NCKAP1L: variants seen among roughly 807,000 people sequenced by gnomAD.
NCKAP1L encodes the protein NCK associated protein 1 like, also known as nck-associated protein 1-like.
Under a neutral mutation model 139.2 loss-of-function variants are expected in NCKAP1L, and 53 were observed. The observed-to-expected ratio is 0.38, with a 90% CI of 0.31 to 0.48. The LOEUF (loss-of-function observed/expected upper bound fraction) is 0.48, where lower values mean the gene tolerates loss of function less well. NCKAP1L is among the 20% of genes least tolerant of loss of function. The pLI is 0.98. For synonymous variants in NCKAP1L, 468 were observed against 499.7 expected (o/e 0.94, Z 0.85); for missense variants, 1,151 against 1,381.9 (o/e 0.83, Z 2.65).
chr12:54,509,056 T>G (rs1161853391), intron 5 of NCKAP1L, among the ~76,000 whole-genome samples: 1 of 152,194 alleles, frequency 6.6e-6, no homozygotes, highest in Non-Finnish European at 1.5e-5. Context: ...TTCTTTTTAG[T>G]GTTGGTAGGA....
chr12:54,506,731 C>T (rs1204936846), intron 3 of NCKAP1L, among the ~76,000 whole-genome samples: 3 of 137,726 alleles, frequency 2.2e-5, no homozygotes, highest in Non-Finnish European at 4.5e-5. Flanking sequence ...CCATGCTTGG[C>T]ATCATATTTT....
chr12:54,535,039 C>A, intron 26 of NCKAP1L, 65 bp from the exon 27 acceptor site: 1 of 1,293,586 alleles, frequency 7.7e-7, no homozygotes, highest in Non-Finnish European at 1.1e-6. Context: ...CCTGGCTATG[C>A]ATTCCTTCTG....
At chr12:54,536,719 A>G (rs1266055608) in intron 28 of NCKAP1L, among the ~76,000 whole-genome samples, 1 of 90,254 alleles carries the variant, frequency 1.1e-5, no homozygotes, top group Non-Finnish European at 2.1e-5. Flanking sequence ...CTACCCTGAA[A>G]AAAAAAAAAA....
At position 54,547,992 on chromosome 12, in the gene NCKAP1L, G is replaced by C. The variant is rs1957212584; in HGVS notation, c.*5307G>C. The C allele has an allele frequency of 6.6e-6, 1 of 152,178 alleles. No homozygotes were observed. The highest frequency in any genetic ancestry group is 2.4e-5 in the African/African-American group (1 of 41,432). The allele number at this position is 152,178 out of a possible 1,614,324, so 9.4% of individuals were successfully genotyped here. On this transcript the variant is annotated 3_prime_UTR_variant, in exon 31 of 31. Transcript: ENST00000293373. ...CTCTTTCTGCCTCTGTACTTTCTGG[G>C]AGCTGGTTCTGCTGATACTTCTGCT... is the stretch of plus-strand genomic sequence containing the variant.
intron 2 of NCKAP1L, 96 bp downstream of exon 2, chr12:54,499,561 G>T (rs1376339204): frequency 5.6e-6 from 4 of 708,968 alleles, no homozygotes; most frequent in Non-Finnish European, 9.9e-6. Flanking sequence ...ACTTGGCAGG[G>T]GATGGAGTAG....
chr12:54,535,265 G>A, intron 27 of NCKAP1L, 68 bp downstream of exon 27: 1 of 1,203,602 alleles, frequency 8.3e-7, no homozygotes, highest in Middle Eastern at 1.9e-4. Context: ...GTGAAAAAAT[G>A]TCAATGTCAA....
At position 54,542,662 on chromosome 12, in the gene NCKAP1L, TC is replaced by T; in HGVS notation, c.3362del (p.Ser1121PhefsTer6). The T allele has an allele frequency of 6.2e-7, 1 of 1,613,892 alleles. No homozygotes were observed. Among genetic ancestry groups the T allele is most frequent in the Admixed American group, 1.7e-5 (1 of 60,002 alleles). On this transcript the variant is annotated frameshift_variant, in exon 31 of 31. Coordinates refer to ENST00000293373, the MANE Select transcript of NCKAP1L (RefSeq NM_005337.5). LOFTEE classifies it high-confidence loss of function. ...GCTTCGAAATGCCTATCGGGAGGTG[TC>T]TCGGGCCTTCCACCTAAACTGAATG... The part of the protein sequence containing the change: ...VLLRNAYREV[S>X]RAFHLN
intron 5 of NCKAP1L, among the ~76,000 whole-genome samples, chr12:54,508,840 G>A (rs1160371960): frequency 6.6e-6 from 1 of 152,170 alleles, no homozygotes; most frequent in Non-Finnish European, 1.5e-5. Flanking sequence ...GGGTTCCGCA[G>A]CACTGACTGT....
chr12:54,499,694 A>G, intron 2 of NCKAP1L, among the ~76,000 whole-genome samples: 1 of 152,136 alleles, frequency 6.6e-6, no homozygotes, highest in East Asian at 1.9e-4. Context: ...GCGAATCATC[A>G]CCCCTTTTCC....
chr12:54,533,687 C>A (rs1453782440), intron 26 of NCKAP1L, among the ~76,000 whole-genome samples: 1 of 152,090 alleles, frequency 6.6e-6, no homozygotes, highest in Non-Finnish European at 1.5e-5. Flanking sequence ...ATGCATCAGC[C>A]CCCCGAGTTC....
intron 3 of NCKAP1L, among the ~76,000 whole-genome samples, chr12:54,505,851 G>A (rs144170701): frequency 0.051 from 7,727 of 152,068 alleles, 688 homozygotes; most frequent in African/African-American, 0.18. Context: ...TAGTAGAGAC[G>A]GGGTTTCTCC....
At chr12:54,512,891 A>G (rs1956900102) in intron 9 of NCKAP1L, among the ~76,000 whole-genome samples, 3 of 152,174 alleles carry the variant, frequency 2.0e-5, no homozygotes, top group Non-Finnish European at 2.9e-5. Flanking sequence ...CAGAGAAACT[A>G]TCAAGATTTT....
At chr12:54,516,792 T>TAAATATA in intron 10 of NCKAP1L, 104 bp from the exon 11 acceptor site, 3 of 1,006,150 alleles carry the variant, frequency 3.0e-6, no homozygotes, top group Non-Finnish European at 4.6e-6. Context: ...TGAACCTTCC[T>TAAATATA]TCTGCCTGAT....
intron 9 of NCKAP1L, among the ~76,000 whole-genome samples, chr12:54,515,505 A>G (rs17113024): frequency 0.031 from 4,714 of 152,340 alleles, 249 homozygotes; most frequent in African/African-American, 0.11. Context: ...TGGTGATTCA[A>G]AAGTTCACAT....
chr12:54,517,520 A>T lies in NCKAP1L; in HGVS notation c.1096-13A>T, dbSNP rs1425379866. 1 of 1,584,450 alleles carries T rather than the reference A, an allele frequency of 6.3e-7. No homozygotes were observed. Among genetic ancestry groups the T allele is most frequent in the African/African-American group, 1.3e-5 (1 of 74,124 alleles). Reference sequence around the variant, plus strand: ...AAAGTTGAAAATTCTAATAGTCTCTACCCCCTCCATAGGCTCTTTTTGCTT... The same window carrying T: ...AAAGTTGAAAATTCTAATAGTCTCTTCCCCCTCCATAGGCTCTTTTTGCTT... On this transcript the variant is annotated splice_polypyrimidine_tract_variant and intron_variant, in intron 11 of 30. Coordinates refer to ENST00000293373, the MANE Select transcript of NCKAP1L (RefSeq NM_005337.5).
At chr12:54,510,033 G>A in intron 7 of NCKAP1L, 48 bp downstream of exon 7, 1 of 1,608,060 alleles carries the variant, frequency 6.2e-7, no homozygotes, top group Non-Finnish European at 8.5e-7. Context: ...CTTTGCCAAG[G>A]CCATCATCTC....
Position 54,543,096 on chromosome 12 carries a change from C to T in NCKAP1L, c.*411C>T, listed in dbSNP as rs567056060. 9 of 161,156 alleles carry T rather than the reference C, an allele frequency of 5.6e-5. No homozygotes were observed. The East Asian group carries it at 1.6e-3, about 29-fold the overall frequency. 10.0% of individuals were successfully genotyped at this position (161,156 alleles called of 1,614,324 possible). ...AATCATCATATTAAATCATAATGAG[C>T]TTATAATCCTCCCACTGGAGCTGCT... On this transcript the variant is annotated 3_prime_UTR_variant, in exon 31 of 31. Transcript: ENST00000293373.
intron 13 of NCKAP1L, among the ~76,000 whole-genome samples, chr12:54,518,328 C>T (rs900131228): frequency 1.3e-5 from 2 of 149,966 alleles, no homozygotes; most frequent in South Asian, 4.2e-4. Context: ...GGCGACAGAG[C>T]GAGACTCTGT....
intron 30 of NCKAP1L, among the ~76,000 whole-genome samples, chr12:54,539,896 G>A (rs1257470821): frequency 6.6e-6 from 1 of 152,178 alleles, no homozygotes; most frequent in Non-Finnish European, 1.5e-5. Context: ...CGTCCTACTG[G>A]TGGATATACC....
Sources: allele counts gnomAD v4.1 joint callset (sites outside exome capture counted in the v4.1 genomes callset), GRCh38; gene constraint gnomAD v4.1.1; transcripts MANE v1.5; gene names NCBI Gene and HGNC (gene_info 2026-07-23, HGNC 2026-07-21).